SLC6A15: variants seen among roughly 807,000 people sequenced by gnomAD.
SLC6A15 encodes the protein solute carrier family 6 member 15, also known as sodium-dependent neutral amino acid transporter B(0)AT2.
In SLC6A15, 33 loss-of-function variants were observed where a neutral mutation model predicts 68.5. That is an observed-to-expected ratio of 0.48 (90% CI 0.37 to 0.64). The LOEUF (loss-of-function observed/expected upper bound fraction) is 0.64, where lower values mean the gene tolerates loss of function less well. Among genes scored for constraint, SLC6A15 ranks in the 30% least tolerant of loss-of-function variants. The pLI is 0.00. For missense variants in SLC6A15, 747 were observed against 874.3 expected (o/e 0.85, Z 1.84); for synonymous variants, 347 against 301.0 (o/e 1.15, Z -1.58).
chr12:84,909,855 A>C (rs1873354039), intron 1 of SLC6A15, among the ~76,000 whole-genome samples: 1 of 152,192 alleles, frequency 6.6e-6, no homozygotes, highest in Non-Finnish European at 1.5e-5. Context: ...AGTTAAAAAG[A>C]ATGCAAATAT....
At chr12:84,889,888 T>C (rs1872310133) in intron 2 of SLC6A15, among the ~76,000 whole-genome samples, 1 of 151,908 alleles carries the variant, frequency 6.6e-6, no homozygotes, top group Non-Finnish European at 1.5e-5. Flanking sequence ...CTACTTCGCC[T>C]AACCATTGTG....
At position 84,912,767 on chromosome 12, in the gene SLC6A15, CGCGCGGGTGCGGGT is replaced by C. The variant is rs1257356391; in HGVS notation, c.-447_-434del. The C allele has an allele frequency of 6.5e-6, 1 of 153,306 alleles. No homozygotes were observed. Among genetic ancestry groups the C allele is most frequent in the Non-Finnish European group, 1.4e-5 (1 of 69,040 alleles). 9.5% of individuals were successfully genotyped at this position (153,306 alleles called of 1,614,324 possible). On this transcript the variant is annotated 5_prime_UTR_variant, in exon 1 of 12. An upstream open reading frame in the 5' UTR loses its in-frame stop. Transcript: ENST00000266682. ...CCAGGGAAACAGCACGGGATACAGG[CGCGCGGGTGCGGGT>C]GCGCGTGTACATGCGTATGTGTGTG...
At chr12:84,898,850 C>CTA (rs1327685720) in intron 1 of SLC6A15, among the ~76,000 whole-genome samples, 1 of 152,196 alleles carries the variant, frequency 6.6e-6, no homozygotes, top group East Asian at 1.9e-4. Flanking sequence ...TTATCCATGG[C>CTA]TGCACATCAA....
At chr12:84,894,516 G>A (rs775492960) in intron 1 of SLC6A15, among the ~76,000 whole-genome samples, 19 of 151,938 alleles carry the variant, frequency 1.3e-4, no homozygotes, top group Non-Finnish European at 2.4e-4. Context: ...CAAGCTTAGA[G>A]ATACTATTAT....
chr12:84,882,476 T>A (rs528666888), intron 5 of SLC6A15: 1 of 938,516 alleles, frequency 1.1e-6, no homozygotes, highest in Admixed American at 6.2e-5. Context: ...TAAAATCAGC[T>A]ACAATTTACA....
At chr12:84,901,586 C>A (rs1592614241) in intron 1 of SLC6A15, among the ~76,000 whole-genome samples, 2 of 151,696 alleles carry the variant, frequency 1.3e-5, no homozygotes. Flanking sequence ...TTCTACCTTC[C>A]AAGCCATTGT....
intron 2 of SLC6A15, among the ~76,000 whole-genome samples, chr12:84,891,195 T>C (rs2120672168): frequency 6.6e-6 from 1 of 152,278 alleles, no homozygotes; most frequent in African/African-American, 2.4e-5. Context: ...AAAATTAAGG[T>C]TGCTAATTTC....
chr12:84,865,093 A>G (rs567317646), intron 10 of SLC6A15, among the ~76,000 whole-genome samples: 19 of 152,314 alleles, frequency 1.2e-4, no homozygotes, highest in African/African-American at 4.6e-4. Context: ...TCCAAAAACA[A>G]TATCAAATTC....
intron 4 of SLC6A15, among the ~76,000 whole-genome samples, chr12:84,884,737 A>G (rs1872004225): frequency 6.6e-6 from 1 of 152,158 alleles, no homozygotes; most frequent in Non-Finnish European, 1.5e-5. Context: ...AATGGGGCCA[A>G]TCTAAAGTGA....
chr12:84,868,359 C>T (rs372449412), intron 9 of SLC6A15, among the ~76,000 whole-genome samples: 30 of 152,264 alleles, frequency 2.0e-4, no homozygotes, highest in African/African-American at 7.2e-4. Context: ...CAATGTATTA[C>T]TTTGTTTACA....
At chr12:84,870,228 CAATA>C (rs1330135094) in intron 9 of SLC6A15, among the ~76,000 whole-genome samples, 1 of 149,644 alleles carries the variant, frequency 6.7e-6, no homozygotes, top group Non-Finnish European at 1.5e-5. Flanking sequence ...TGAATTATAA[CAATA>C]AATATTTATT....
intron 1 of SLC6A15, among the ~76,000 whole-genome samples, chr12:84,906,334 A>G (rs1873153897): frequency 6.6e-6 from 1 of 152,216 alleles, no homozygotes; most frequent in Non-Finnish European, 1.5e-5. Flanking sequence ...CATGGATTAG[A>G]AAACTCAACA....
rs1349478436 is a variant in SLC6A15, at chr12:84,885,469, A to G, written c.540T>C (p.Asp180=). 2.5e-6 allele frequency: 4 copies of G among 1,613,474 alleles called. No individual in the cohort carries two copies. The African/African-American group carries it at 4.0e-5, about 16-fold the overall frequency. Residue 180 remains aspartate, a synonymous_variant, in exon 4 of 12, where the codon GAT becomes GAC. Coordinates refer to ENST00000266682, the MANE Select transcript of SLC6A15 (RefSeq NM_182767.6). The part of the protein sequence containing the change: ...SQSFQQPLPW[D]QCPLVKNASH... ...AAGCATTTTTCACCAAAGGACACTG[A>G]TCCCAAGGCAGGGGTTGCTGAAAAG... is the stretch of plus-strand genomic sequence containing the variant.
chr12:84,887,208 C>A (rs1872152023), intron 2 of SLC6A15, among the ~76,000 whole-genome samples: 1 of 152,182 alleles, frequency 6.6e-6, no homozygotes, highest in Non-Finnish European at 1.5e-5. Context: ...TCAATGGTAA[C>A]TAATTCCTAT....
rs112560925 is a variant in SLC6A15 at position 84,867,060 on chromosome 12, A to G, written c.1629T>C (p.Ala543=). ...LLIVVILENI[A]VCFVYGIDKF... is the part of the protein sequence containing the mutation. Reference sequence around the variant, plus strand: ...TATCTATGCCATAAACAAAGCATACAGCAATATTCTCCAAAATGACTACAA... The same window carrying G: ...TATCTATGCCATAAACAAAGCATACGGCAATATTCTCCAAAATGACTACAA... The change falls in exon 10 of 12, where the codon GCT becomes GCC. Residue 543 remains alanine (A), a synonymous_variant. Coordinates refer to ENST00000266682, the MANE Select transcript of SLC6A15 (RefSeq NM_182767.6). 3 of 1,608,852 alleles carry G rather than the reference A, an allele frequency of 1.9e-6. No homozygotes were observed. Among genetic ancestry groups the G allele is most frequent in the Non-Finnish European group, 2.5e-6 (3 of 1,177,922 alleles).
Position 84,884,120 on chromosome 12 carries a change from G to A in SLC6A15, c.575-80C>T. 5 of 1,175,632 alleles carry A rather than the reference G, an allele frequency of 4.3e-6. No homozygotes were observed. The South Asian group carries it at 5.7e-5, about 13-fold the overall frequency. The allele number at this position is 1,175,632 out of a possible 1,614,324, so 72.8% of individuals were successfully genotyped here. A position where few individuals can be genotyped will look rare whatever the true frequency, so the allele number is the denominator to read the frequency against. On this transcript the variant is annotated intron_variant, in intron 4 of 11. Coordinates refer to ENST00000266682, the MANE Select transcript of SLC6A15 (RefSeq NM_182767.6). Reference sequence around the variant, plus strand: ...AATTTCTTTTCCAATAAACCTGTAAGTGAATTCTTAATGCTTCCTAGAAAA... The same window carrying A: ...AATTTCTTTTCCAATAAACCTGTAAATGAATTCTTAATGCTTCCTAGAAAA...
intron 6 of SLC6A15, among the ~76,000 whole-genome samples, chr12:84,874,954 A>T (rs1871451454): frequency 6.6e-6 from 1 of 152,196 alleles, no homozygotes; most frequent in South Asian, 2.1e-4. Context: ...CTCAATGAAA[A>T]GTTAGCTGAA....
At chr12:84,908,553 G>T (rs1873282130) in intron 1 of SLC6A15, among the ~76,000 whole-genome samples, 1 of 146,302 alleles carries the variant, frequency 6.8e-6, no homozygotes, top group Non-Finnish European at 1.5e-5. Flanking sequence ...TTTATATTTT[G>T]AATACAAAAT....
chr12:84,886,112 T>C, intron 2 of SLC6A15, 44 bp from the exon 3 acceptor site: 1 of 1,343,268 alleles, frequency 7.4e-7, no homozygotes, highest in Non-Finnish European at 1.0e-6. Flanking sequence ...TTCAATACAG[T>C]AGAAAATACA....
Sources: gnomAD v4.1 joint callset for allele counts (sites outside exome capture counted in the v4.1 genomes callset) on GRCh38, gnomAD v4.1.1 for gene constraint, MANE v1.5 for transcripts, NCBI Gene and HGNC (gene_info 2026-07-23, HGNC 2026-07-21) for gene names.